CFAP57: variants seen among roughly 807,000 people sequenced by gnomAD.
CFAP57 encodes cilia- and flagella-associated protein 57.
A neutral mutation model predicts 146.8 loss-of-function variants in CFAP57; 116 were observed. The ratio of observed to expected loss-of-function variants is 0.79; its 90% confidence interval spans 0.68 to 0.92. The LOEUF (loss-of-function observed/expected upper bound fraction) is 0.92, where lower values mean the gene tolerates loss of function less well. CFAP57 is among the 40% of genes least tolerant of loss of function. CFAP57 has a pLI of 0.00. For synonymous variants in CFAP57, 518 were observed against 552.8 expected (o/e 0.94, Z 0.88); for missense variants, 1,377 against 1,527.2 (o/e 0.90, Z 1.64).
intron 22 of CFAP57, 44 bp downstream of exon 22, chr1:43,243,403 G>T: frequency 6.9e-7 from 1 of 1,458,390 alleles, no homozygotes; most frequent in Non-Finnish European, 9.1e-7. Flanking sequence ...TGGGACGAAG[G>T]GATTGATGGC....
chr1:43,197,484 A>C, intron 6 of CFAP57, 69 bp from the exon 7 acceptor site: 1 of 1,605,762 alleles, frequency 6.2e-7, no homozygotes, highest in South Asian at 1.1e-5. Flanking sequence ...ATGGGAACTA[A>C]TTAGAGCTGA....
chr1:43,250,761 C>G (rs760399948), intron 22 of CFAP57, among the ~76,000 whole-genome samples: 5 of 152,140 alleles, frequency 3.3e-5, no homozygotes, highest in Non-Finnish European at 7.4e-5. Flanking sequence ...GGAGCTGATC[C>G]CACTGTCTGG....
chr1:43,242,114 T>A (rs1361623064), intron 21 of CFAP57, among the ~76,000 whole-genome samples: 1 of 152,210 alleles, frequency 6.6e-6, no homozygotes, highest in Non-Finnish European at 1.5e-5. Context: ...ATCAGCTGTG[T>A]CACATTCTGT....
chr1:43,239,760 G>A (rs1204447356), intron 21 of CFAP57, among the ~76,000 whole-genome samples: 1 of 152,198 alleles, frequency 6.6e-6, no homozygotes, highest in Non-Finnish European at 1.5e-5. Flanking sequence ...GCCTACTGAA[G>A]GGAGAAATGG....
At chr1:43,213,304 T>C (rs1290765271) in intron 11 of CFAP57, among the ~76,000 whole-genome samples, 2 of 152,202 alleles carry the variant, frequency 1.3e-5, no homozygotes, top group Non-Finnish European at 2.9e-5. Context: ...ACAATATTTG[T>C]TTTTCTGTAC....
At chr1:43,191,856 T>C (rs1232805027) in intron 6 of CFAP57, among the ~76,000 whole-genome samples, 1 of 151,872 alleles carries the variant, frequency 6.6e-6, no homozygotes, top group Non-Finnish European at 1.5e-5. Context: ...TTAAGATCTT[T>C]CTTTTTTGAA....
At chr1:43,203,445 A>G (rs1644220745) in intron 9 of CFAP57, among the ~76,000 whole-genome samples, 1 of 152,072 alleles carries the variant, frequency 6.6e-6, no homozygotes, top group African/African-American at 2.4e-5. Context: ...CTTTTTCATG[A>G]GCACAGATAG....
At chr1:43,195,338 A>G (rs1403309378) in intron 6 of CFAP57, among the ~76,000 whole-genome samples, 3 of 152,098 alleles carry the variant, frequency 2.0e-5, no homozygotes, top group Non-Finnish European at 2.9e-5. Context: ...CCTGGCCAAC[A>G]TGGTGAAACC....
chr1:43,189,383 A>G (rs1643358389), intron 6 of CFAP57, among the ~76,000 whole-genome samples: 1 of 152,078 alleles, frequency 6.6e-6, no homozygotes, highest in Non-Finnish European at 1.5e-5. Context: ...AGCATGAGAT[A>G]TTTTCCATTT....
intron 15 of CFAP57, among the ~76,000 whole-genome samples, chr1:43,222,604 G>A (rs1645089712): frequency 6.6e-6 from 1 of 152,212 alleles, no homozygotes; most frequent in Admixed American, 6.5e-5. Context: ...GGAGCATGAG[G>A]CCTGATTTGG....
chr1:43,179,032 AGGACAAAAAACCAAACACCGCAT>A (rs1401867543), intron 2 of CFAP57, among the ~76,000 whole-genome samples: 20 of 152,304 alleles, frequency 1.3e-4, no homozygotes, highest in African/African-American at 4.6e-4. Context: ...AACTGTCGCA[AGGACAAAAAACCAAACACCGCAT>A]GTTCTCACTC....
Position 43,215,257 on chromosome 1 carries a change from G to C in CFAP57, c.1932G>C (p.Met644Ile). 1.9e-6 allele frequency: 3 copies of C among 1,551,134 alleles called. No homozygotes were observed. Among genetic ancestry groups the C allele is most frequent in the Non-Finnish European group, 2.6e-6 (3 of 1,147,036 alleles). Reference protein sequence around the residue: ...YQAHAGPITKMLLTFDDQFLL... With the variant: ...YQAHAGPITKILLTFDDQFLL... ...GCCATGACCCTTTTTCTCTTCAGATGTTGCTTACCTTTGATGATCAGTTCC... is the reference window on the plus strand; with the variant it reads ...GCCATGACCCTTTTTCTCTTCAGATCTTGCTTACCTTTGATGATCAGTTCC... The change falls in exon 12 of 23, where the codon ATG becomes ATC. Residue 644 changes from methionine to isoleucine, a missense_variant and splice_region_variant. Transcript: ENST00000372492.
intron 22 of CFAP57, among the ~76,000 whole-genome samples, chr1:43,249,146 G>A (rs905470719): frequency 4.0e-5 from 6 of 148,866 alleles, no homozygotes; most frequent in East Asian, 2.0e-4. Flanking sequence ...CACCCACCTC[G>A]GCCTCAGCCT....
chr1:43,181,930 G>A, intron 3 of CFAP57, 80 bp downstream of exon 3: 1 of 1,487,392 alleles, frequency 6.7e-7, no homozygotes, highest in African/African-American at 1.4e-5. Flanking sequence ...GTGTACCACA[G>A]TTCTAATTTC....
At chr1:43,235,934 C>A (rs140543051) in intron 21 of CFAP57, among the ~76,000 whole-genome samples, 24 of 152,288 alleles carry the variant, frequency 1.6e-4, no homozygotes, top group Admixed American at 3.9e-4. Flanking sequence ...AAGCAAACAT[C>A]GATGTAGGAG....
At chr1:43,187,026 T>C (rs944553383) in intron 6 of CFAP57, among the ~76,000 whole-genome samples, 167 bp downstream of exon 6, 6 of 152,212 alleles carry the variant, frequency 3.9e-5, no homozygotes, top group African/African-American at 1.2e-4. Context: ...CATAGAAGCA[T>C]GCTGATAGAC....
At chr1:43,228,477 C>T (rs1343925673) in intron 18 of CFAP57, among the ~76,000 whole-genome samples, 1 of 129,256 alleles carries the variant, frequency 7.7e-6, no homozygotes, top group Non-Finnish European at 1.6e-5. Context: ...CACTGATGAC[C>T]CAACTAGAAG....
Position 43,219,479 on chromosome 1 carries a change from T to C in CFAP57, c.2189T>C (p.Ile730Thr). 1.3e-6 allele frequency: 2 copies of C among 1,550,476 alleles called. No homozygotes were observed. ...AAGGACATGAACTATTCTGAGAAGATTAAGGAGCTAACAGACAAGTTCATC... is the reference window on the plus strand; with the variant it reads ...AAGGACATGAACTATTCTGAGAAGACTAAGGAGCTAACAGACAAGTTCATC... ...RLKDMNYSEK[I>T]KELTDKFIQE... The change falls in exon 13 of 23, where the codon ATT (isoleucine) becomes ACT (threonine). Residue 730 changes from isoleucine (I) to threonine (T), a missense_variant. Transcript: ENST00000372492.
At chr1:43,186,595 A>C (rs576703468) in intron 5 of CFAP57, 112 bp from the exon 6 acceptor site, 7 of 1,205,802 alleles carry the variant, frequency 5.8e-6, no homozygotes, top group South Asian at 5.6e-5. Flanking sequence ...TGGGCAAAAG[A>C]GCGAGACTCC....
Sources: gnomAD v4.1 joint callset for allele counts (sites outside exome capture counted in the v4.1 genomes callset) on GRCh38, gnomAD v4.1.1 for gene constraint, MANE v1.5 for transcripts, NCBI Gene and HGNC (gene_info 2026-07-23, HGNC 2026-07-21) for gene names.